Variants in FAM193A observed in about 807,000 individuals in gnomAD.
The protein encoded by FAM193A is family with sequence similarity 193 member A.
In FAM193A, 22 loss-of-function variants were observed where a neutral mutation model predicts 126.5. The ratio of observed to expected loss-of-function variants is 0.17; its 90% CI spans 0.12 to 0.25. The LOEUF is 0.25. Ranked by LOEUF, FAM193A falls within the 10% of genes least tolerant of loss-of-function variation. The probability of loss-of-function intolerance (pLI) is 1.00; values close to 1 mark genes in which losing one functional copy is unlikely to be tolerated. For synonymous variants in FAM193A, 761 were observed against 646.8 expected, an observed-to-expected ratio of 1.18 and a Z score of -2.68; for missense variants, 1,675 against 1,672.8, an observed-to-expected ratio of 1.00 and a Z score of -0.02.
At chr4:2,696,680 G>A (rs976706560) in intron 18 of FAM193A, 87 bp downstream of exon 18, 9 of 999,804 alleles carry the variant, frequency 9.0e-6, no homozygotes, top group Non-Finnish European at 1.4e-5. Flanking sequence ...GCAGGGCTGA[G>A]CCACAGGAGG....
At position 2,590,510 on chromosome 4, in the gene FAM193A, A is replaced by T. The variant is rs1230494298; in HGVS notation, c.256-5574A>T. On this transcript the variant is annotated intron_variant, in intron 1 of 20. Transcript: ENST00000637812. ...ACAAAAAAAAACAAAAAAAAACAAA[A>T]AAAAAACAAAACAAAATTAAAAAAC... Among the ~76,000 whole-genome samples the T allele has an allele frequency of 1.1e-4, 15 of 133,260 alleles. 2 individuals carry two copies. Among genetic ancestry groups the T allele is most frequent in the African/African-American group, 5.3e-4 (15 of 28,420 alleles). 87.4% of individuals were successfully genotyped at this position (133,260 alleles called of 152,430 possible). A position where few individuals can be genotyped will look rare whatever the true frequency, so the allele number is the denominator to read the frequency against.
At chr4:2,604,789 TC>T (rs1741431852) in intron 2 of FAM193A, among the ~76,000 whole-genome samples, 1 of 146,008 alleles carries the variant, frequency 6.8e-6, no homozygotes, top group Admixed American at 6.9e-5. Flanking sequence ...TTTTTCTTTT[TC>T]CTTTTTTTTT....
At chr4:2,626,253 G>T (rs374788226) in intron 3 of FAM193A, among the ~76,000 whole-genome samples, 157 bp from the exon 4 acceptor site, 4 of 152,136 alleles carry the variant, frequency 2.6e-5, no homozygotes, top group African/African-American at 9.7e-5. Context: ...CTGTGCTGGG[G>T]ATGCCATCAC....
chr4:2,578,927 TGTCAGA>T (rs976969071), intron 1 of FAM193A, among the ~76,000 whole-genome samples: 87 of 151,434 alleles, frequency 5.7e-4, no homozygotes, highest in African/African-American at 1.9e-3. Flanking sequence ...GTTTCAGGGG[TGTCAGA>T]GGCAGAGGAG....
chr4:2,614,250 A>T (rs961137858), intron 2 of FAM193A, among the ~76,000 whole-genome samples: 2 of 152,188 alleles, frequency 1.3e-5, no homozygotes, highest in African/African-American at 4.8e-5. Context: ...AGGGGAAAGC[A>T]TTTGGTCTTT....
chr4:2,682,340 T>C (rs190575869), intron 13 of FAM193A, among the ~76,000 whole-genome samples: 3 of 152,282 alleles, frequency 2.0e-5, no homozygotes, highest in South Asian at 2.1e-4. Context: ...TTTGTTTTTT[T>C]ATTTTTAGAG....
chr4:2,701,859 CTCCGCT>C (rs1717771413), intron 19 of FAM193A, among the ~76,000 whole-genome samples: 2 of 151,916 alleles, frequency 1.3e-5, no homozygotes, highest in Non-Finnish European at 2.9e-5. Context: ...TCACCACAAC[CTCCGCT>C]TCCCGGGTTC....
chr4:2,630,297 AC>A (rs1276654531), intron 4 of FAM193A, among the ~76,000 whole-genome samples: 1 of 150,310 alleles, frequency 6.7e-6, no homozygotes, highest in Non-Finnish European at 1.5e-5. Context: ...TTTATTTTAC[AC>A]ACCTTTATTG....
chr4:2,729,621 G>C (rs573510331), intron 20 of FAM193A, among the ~76,000 whole-genome samples: 1 of 152,296 alleles, frequency 6.6e-6, no homozygotes, highest in African/African-American at 2.4e-5. Context: ...CAATAATTGA[G>C]GCTGCTGCAG....
intron 1 of FAM193A, among the ~76,000 whole-genome samples, chr4:2,573,952 G>A (rs562377776): frequency 1.3e-5 from 2 of 152,246 alleles, no homozygotes; most frequent in East Asian, 1.9e-4. Context: ...AGGTGTCCAG[G>A]TAACAAGGAG....
chr4:2,668,529 T>C (rs1451479406), intron 12 of FAM193A, among the ~76,000 whole-genome samples: 1 of 152,136 alleles, frequency 6.6e-6, no homozygotes, highest in African/African-American at 2.4e-5. Context: ...CATCTTAATT[T>C]ATCACAATCT....
intron 1 of FAM193A, among the ~76,000 whole-genome samples, chr4:2,540,639 C>A (rs1401840758): frequency 1.3e-5 from 2 of 152,018 alleles, no homozygotes; most frequent in Non-Finnish European, 2.9e-5. Context: ...CAGAGTGAGA[C>A]TCCGTCTCAA....
intron 2 of FAM193A, among the ~76,000 whole-genome samples, chr4:2,618,176 A>G (rs1742321719): frequency 6.6e-6 from 1 of 151,974 alleles, no homozygotes; most frequent in African/African-American, 2.4e-5. Flanking sequence ...GCACTTTGTC[A>G]CTGGTTTTCA....
At chr4:2,542,836 G>T (rs1240534099) in intron 1 of FAM193A, among the ~76,000 whole-genome samples, 1 of 152,174 alleles carries the variant, frequency 6.6e-6, no homozygotes, top group Admixed American at 6.6e-5. Context: ...CCACTGTCCT[G>T]TGTGCGGGAC....
At chr4:2,709,542 C>T (rs1351679095) in intron 19 of FAM193A, among the ~76,000 whole-genome samples, 1 of 152,100 alleles carries the variant, frequency 6.6e-6, no homozygotes, top group Non-Finnish European at 1.5e-5. Context: ...AACCCCGTCT[C>T]TACTAAAAAT....
At chr4:2,584,969 T>G (rs1296302754) in intron 1 of FAM193A, among the ~76,000 whole-genome samples, 1 of 152,034 alleles carries the variant, frequency 6.6e-6, no homozygotes, top group African/African-American at 2.4e-5. Flanking sequence ...ATCCCAACAC[T>G]ATAGTTTTGC....
intron 16 of FAM193A, among the ~76,000 whole-genome samples, 182 bp downstream of exon 16, chr4:2,694,056 T>TA (rs1188489174): frequency 1.3e-5 from 2 of 152,170 alleles, no homozygotes; most frequent in African/African-American, 4.8e-5. Flanking sequence ...TCTCAGCCTG[T>TA]AGTTTTGCAG....
At chr4:2,541,418 A>G (rs964124779) in intron 1 of FAM193A, among the ~76,000 whole-genome samples, 3 of 151,642 alleles carry the variant, frequency 2.0e-5, no homozygotes, top group African/African-American at 7.3e-5. Context: ...AATCTGGGTT[A>G]TAGTCCACAG....
At chr4:2,710,517 T>C (rs1478660366) in intron 19 of FAM193A, among the ~76,000 whole-genome samples, 1 of 151,810 alleles carries the variant, frequency 6.6e-6, no homozygotes, top group Non-Finnish European at 1.5e-5. Context: ...ATTTTTTATT[T>C]TAAGACAGAG....
Sources: allele counts gnomAD v4.1 joint callset (sites outside exome capture counted in the v4.1 genomes callset), GRCh38; gene constraint gnomAD v4.1.1; transcripts MANE v1.5; gene names NCBI Gene and HGNC (gene_info 2026-07-23, HGNC 2026-07-21).